Variants in ADAM32 observed in about 807,000 individuals in gnomAD.
ADAM32 encodes disintegrin and metalloproteinase domain-containing protein 32.
A neutral mutation model predicts 114.9 loss-of-function variants in ADAM32; 89 were observed. The ratio of observed to expected loss-of-function variants is 0.77; its 90% CI spans 0.65 to 0.92. ADAM32 has a LOEUF of 0.92. Ranked by LOEUF, ADAM32 falls within the 40% of genes least tolerant of loss-of-function variation. The pLI, the probability that ADAM32 is intolerant of heterozygous loss-of-function variation, is 0.00. For synonymous variants in ADAM32, 285 were observed against 307.5 expected (o/e 0.93, Z 0.77); for missense variants, 870 against 932.8 (o/e 0.93, Z 0.88).
rs1046223122 is a variant in ADAM32 at position 39,187,797 on chromosome 8, G to A, written c.1052+752G>A. ...GTTTACTTTTCTCATCTTTAAATGG[G>A]AATAATTATGCCTATTCTTTTATTT... On this transcript the variant is annotated intron_variant, in intron 11 of 24. Transcript: ENST00000379907. Among the ~76,000 whole-genome samples, 17 of 152,122 alleles carry A rather than the reference G, an allele frequency of 1.1e-4. 1 individual carries two copies. Among genetic ancestry groups the A allele is most frequent in the Admixed American group, 4.6e-4 (7 of 15,280 alleles).
chr8:39,108,092 G>A (rs1840002498), intron 1 of ADAM32: 2 of 436,132 alleles, frequency 4.6e-6, no homozygotes, highest in Non-Finnish European at 7.9e-6. Context: ...AGACCAGCTT[G>A]GGCAACACAG....
intron 3 of ADAM32, among the ~76,000 whole-genome samples, chr8:39,142,770 T>C (rs964247612): frequency 1.3e-5 from 2 of 152,198 alleles, no homozygotes; most frequent in Non-Finnish European, 1.5e-5. Flanking sequence ...GTTAGGGAAG[T>C]TCTCCTGGAT....
At chr8:39,125,613 A>C (rs886620583) in intron 2 of ADAM32, among the ~76,000 whole-genome samples, 3 of 152,180 alleles carry the variant, frequency 2.0e-5, no homozygotes, top group Non-Finnish European at 2.9e-5. Context: ...AATTTCTCCC[A>C]TTCTGTAGGT....
chr8:39,263,392 C>A (rs1285995420), intron 19 of ADAM32, among the ~76,000 whole-genome samples: 1 of 152,070 alleles, frequency 6.6e-6, no homozygotes, highest in Non-Finnish European at 1.5e-5. Context: ...CTTATCTCTG[C>A]AATAATTGAC....
At chr8:39,277,490 A>G (rs908617759) in intron 22 of ADAM32, among the ~76,000 whole-genome samples, 2 of 152,258 alleles carry the variant, frequency 1.3e-5, no homozygotes, top group Admixed American at 6.5e-5. Context: ...AATGAATTCC[A>G]GTGAAGCAGG....
At chr8:39,274,216 A>G in intron 20 of ADAM32, 96 bp from the exon 21 acceptor site, 1 of 1,135,298 alleles carries the variant, frequency 8.8e-7, no homozygotes, top group Non-Finnish European at 1.3e-6. Context: ...TCTTTTAAAG[A>G]GATAATACTA....
In ADAM32 at chr8:39,204,874, G is replaced by T. The variant is rs186023517; in HGVS notation, c.1053-6270G>T. Among the ~76,000 whole-genome samples the T allele has an allele frequency of 3.4e-3, 513 of 152,330 alleles. 7 individuals carry two copies. Among genetic ancestry groups the T allele is most frequent in the African/African-American group, 0.011 (468 of 41,568 alleles). ...CAGGACCCTCACTGCAGGTCTGTTG[G>T]AGTTTGCTGGAGGTCCACTCCAGAC... On this transcript the variant is annotated intron_variant, in intron 11 of 24. Coordinates refer to ENST00000379907, the MANE Select transcript of ADAM32 (RefSeq NM_145004.7).
At chr8:39,109,738 C>T (rs964345169) in intron 1 of ADAM32, among the ~76,000 whole-genome samples, 3 of 152,174 alleles carry the variant, frequency 2.0e-5, no homozygotes, top group African/African-American at 7.2e-5. Context: ...ACATTGTTAT[C>T]ATCCAAAGTC....
At chr8:39,255,793 G>T (rs1379971441) in intron 18 of ADAM32, among the ~76,000 whole-genome samples, 1 of 151,698 alleles carries the variant, frequency 6.6e-6, no homozygotes, top group Non-Finnish European at 1.5e-5. Flanking sequence ...GCTCATGAAC[G>T]CTTTGCCTAA....
chr8:39,108,494 A>G (rs11985898), intron 1 of ADAM32, among the ~76,000 whole-genome samples: 72,813 of 151,872 alleles, frequency 0.48, 17,887 homozygotes, highest in South Asian at 0.6. Context: ...TTAACAGCAA[A>G]ATGATTGAAA....
chr8:39,247,931 C>G (rs570146573), intron 17 of ADAM32, among the ~76,000 whole-genome samples: 4 of 151,846 alleles, frequency 2.6e-5, no homozygotes, highest in African/African-American at 9.7e-5. Context: ...CTAGCTAGTA[C>G]CAATTGTTGA....
intron 17 of ADAM32, among the ~76,000 whole-genome samples, chr8:39,248,972 G>A (rs774404076): frequency 3.4e-5 from 5 of 148,852 alleles, no homozygotes; most frequent in Non-Finnish European, 7.4e-5. Context: ...GCATAATCTC[G>A]GCTCACTGCA....
chr8:39,283,929 A>G (rs535700206), intron 24 of ADAM32, among the ~76,000 whole-genome samples: 4 of 152,204 alleles, frequency 2.6e-5, no homozygotes, highest in Non-Finnish European at 5.9e-5. Flanking sequence ...GTGTGCCGCC[A>G]TGCCCGCCTA....
At chr8:39,234,116 T>A (rs1038614310) in intron 16 of ADAM32, 34 bp downstream of exon 16, 1 of 1,233,014 alleles carries the variant, frequency 8.1e-7, no homozygotes, top group African/African-American at 1.6e-5. Context: ...AAAAATATAG[T>A]TTTATTTATT....
chr8:39,146,433 C>G (rs1328013862), intron 3 of ADAM32, among the ~76,000 whole-genome samples: 2 of 127,726 alleles, frequency 1.6e-5, no homozygotes, highest in Admixed American at 1.6e-4. Flanking sequence ...TTTTTTGAGA[C>G]GGAATCTTGC....
At chr8:39,275,033 G>A (rs534884922) in intron 21 of ADAM32, among the ~76,000 whole-genome samples, 1 of 152,324 alleles carries the variant, frequency 6.6e-6, no homozygotes, top group Admixed American at 6.5e-5. Flanking sequence ...GCCAATTTAA[G>A]TGCTCCGGGT....
chr8:39,169,224 G>A (rs1286103309), intron 9 of ADAM32: 1 of 152,180 alleles, frequency 6.6e-6, no homozygotes, highest in Admixed American at 6.5e-5. Flanking sequence ...AATGCTTGGA[G>A]CATCTATACC....
At chr8:39,156,291 G>A (rs1462083143) in intron 6 of ADAM32, among the ~76,000 whole-genome samples, 1 of 152,096 alleles carries the variant, frequency 6.6e-6, no homozygotes, top group Non-Finnish European at 1.5e-5. Flanking sequence ...GGGACCACAG[G>A]CATGTGCCAC....
intron 11 of ADAM32, among the ~76,000 whole-genome samples, chr8:39,198,439 G>A (rs1198357099): frequency 3.9e-5 from 6 of 152,096 alleles, no homozygotes; most frequent in African/African-American, 1.2e-4. Context: ...GTGAAGTGGT[G>A]TGATCTTGGC....
Sources: allele counts gnomAD v4.1 joint callset (sites outside exome capture counted in the v4.1 genomes callset), GRCh38; gene constraint gnomAD v4.1.1; transcripts MANE v1.5; gene names NCBI Gene and HGNC (gene_info 2026-07-23, HGNC 2026-07-21).